Variants in ATP8A2 observed in about 807,000 individuals in gnomAD.
ATP8A2 encodes ATPase phospholipid transporting 8A2.
A neutral mutation model predicts 165.6 loss-of-function variants in ATP8A2; 100 were observed. The observed-to-expected ratio is 0.60, with a 90% CI of 0.51 to 0.71. The LOEUF (loss-of-function observed/expected upper bound fraction) is 0.71. Ranked by LOEUF, ATP8A2 falls within the 30% of genes least tolerant of loss-of-function variation. ATP8A2 has a pLI of 0.00. For missense variants in ATP8A2, 1,227 were observed against 1,479.5 expected (o/e 0.83, Z 2.80); for synonymous variants, 543 against 548.8 (o/e 0.99, Z 0.15).
At chr13:25,436,960 A>G (rs993246573) in intron 1 of ATP8A2, among the ~76,000 whole-genome samples, 5 of 151,932 alleles carry the variant, frequency 3.3e-5, no homozygotes, top group African/African-American at 9.7e-5. Flanking sequence ...TATTTTTTGT[A>G]GAGATGAGGT....
rs1220788492 is a variant in ATP8A2 at position 25,953,813 on chromosome 13, A to G, written c.3184-7762A>G. ...GGGACTGTGCTGTAAGGAACCATGC[A>G]TTCCGTCCCAGATACTATGCTTTTC... On this transcript the variant is annotated intron_variant, in intron 33 of 36. Transcript: ENST00000381655. The surrounding 1 kb of genome is among the most constrained non-coding windows in gnomAD (Gnocchi z 6.7). 6.6e-6 allele frequency among the ~76,000 whole-genome samples: 1 copy of G among 152,166 alleles called. No homozygotes were observed. Among genetic ancestry groups the G allele is most frequent in the Non-Finnish European group, 1.5e-5 (1 of 68,030 alleles).
intron 33 of ATP8A2, among the ~76,000 whole-genome samples, chr13:25,895,566 T>G (rs1212970765): frequency 2.6e-5 from 4 of 151,996 alleles, no homozygotes; most frequent in African/African-American, 9.7e-5. Context: ...TTAGGGAGGA[T>G]TCCCTCTTTT....
chr13:25,868,894 C>A (rs1438234224), intron 33 of ATP8A2, among the ~76,000 whole-genome samples: 4 of 151,722 alleles, frequency 2.6e-5, no homozygotes, highest in African/African-American at 9.7e-5. Flanking sequence ...ACAGTGAAAC[C>A]CCGTCTCTAC....
rs757612313 is a variant in ATP8A2, at chr13:25,555,071, G to A, written c.1263+3G>A. 1 of 1,609,094 alleles carries A rather than the reference G, an allele frequency of 6.2e-7. No individual in the cohort carries two copies. Among genetic ancestry groups the A allele is most frequent in the Non-Finnish European group, 8.5e-7 (1 of 1,175,678 alleles). On this transcript the variant is annotated splice_donor_region_variant and intron_variant, in intron 13 of 36. Transcript: ENST00000381655. Reference sequence around the variant, plus strand: ...ACCTTAATGAAGAGCTTGGGCAGGTGAAAAAGCCTCTGGGAACTTTGGGAA... The same window carrying A: ...ACCTTAATGAAGAGCTTGGGCAGGTAAAAAAGCCTCTGGGAACTTTGGGAA...
intron 33 of ATP8A2, among the ~76,000 whole-genome samples, chr13:25,876,744 G>A (rs116915969): frequency 0.013 from 1,927 of 152,220 alleles, 19 homozygotes; most frequent in Non-Finnish European, 0.021. Flanking sequence ...ATGCTAAATC[G>A]TTTAAAATGA....
At chr13:25,843,459 A>G (rs1457287057) in intron 30 of ATP8A2, among the ~76,000 whole-genome samples, 1 of 152,086 alleles carries the variant, frequency 6.6e-6, no homozygotes, top group East Asian at 1.9e-4. Flanking sequence ...CTGGGAGGTG[A>G]TTAGGTCGTG....
chr13:25,400,063 C>T (rs2033586418), intron 1 of ATP8A2, among the ~76,000 whole-genome samples: 1 of 152,160 alleles, frequency 6.6e-6, no homozygotes, highest in African/African-American at 2.4e-5. Flanking sequence ...GCTGGGTCTA[C>T]AGGCACACAC....
chr13:25,953,735 C>G lies in ATP8A2; in HGVS notation c.3184-7840C>G, dbSNP rs1050839690. On this transcript the variant is annotated intron_variant, in intron 33 of 36. Coordinates refer to ENST00000381655, the MANE Select transcript of ATP8A2 (RefSeq NM_016529.6). The surrounding 1 kb of genome is among the most constrained non-coding windows in gnomAD (Gnocchi z 6.7). Reference sequence around the variant, plus strand: ...AAGCAGGGTGGGGCGTTGCCTCACCCGGGAAGCACAGGGGATTGAGGAACT... The same window carrying G: ...AAGCAGGGTGGGGCGTTGCCTCACCGGGGAAGCACAGGGGATTGAGGAACT... 6.6e-6 allele frequency among the ~76,000 whole-genome samples: 1 copy of G among 152,024 alleles called. No homozygotes were observed. Among genetic ancestry groups the G allele is most frequent in the South Asian group, 2.1e-4 (1 of 4,796 alleles).
intron 1 of ATP8A2, among the ~76,000 whole-genome samples, chr13:25,392,035 T>C (rs186363203): frequency 5.6e-4 from 86 of 152,342 alleles, no homozygotes; most frequent in Non-Finnish European, 9.7e-4. Flanking sequence ...GCTTGTTTAG[T>C]GCTGAGCTGG....
chr13:25,971,997 C>T (rs566977218), intron 35 of ATP8A2, among the ~76,000 whole-genome samples: 1 of 152,238 alleles, frequency 6.6e-6, no homozygotes, highest in African/African-American at 2.4e-5. Context: ...CCTTAAAGGA[C>T]ATTCTGCCAG....
At chr13:25,928,824 G>A (rs1344778289) in intron 33 of ATP8A2, among the ~76,000 whole-genome samples, 1 of 152,124 alleles carries the variant, frequency 6.6e-6, no homozygotes, top group Non-Finnish European at 1.5e-5. Flanking sequence ...CACAGTACAA[G>A]GTGAGCCTCC....
intron 34 of ATP8A2, among the ~76,000 whole-genome samples, chr13:25,965,027 C>T (rs1275647756): frequency 1.3e-5 from 2 of 152,056 alleles, no homozygotes; most frequent in South Asian, 4.1e-4. Flanking sequence ...GGCATGATGG[C>T]GAGTGCCTGT....
intron 33 of ATP8A2, among the ~76,000 whole-genome samples, chr13:25,908,845 A>G (rs1267396725): frequency 6.6e-6 from 1 of 152,156 alleles, no homozygotes; most frequent in Non-Finnish European, 1.5e-5. Flanking sequence ...TGTGGTGGGG[A>G]CAGTCGATCT....
intron 33 of ATP8A2, among the ~76,000 whole-genome samples, chr13:25,886,874 T>A (rs1466551156): frequency 6.6e-6 from 1 of 152,210 alleles, no homozygotes; most frequent in Non-Finnish European, 1.5e-5. Flanking sequence ...ATGGTATTGC[T>A]GGTTGCTCAT....
intron 2 of ATP8A2, among the ~76,000 whole-genome samples, chr13:25,479,436 A>G (rs952514367): frequency 7.2e-5 from 11 of 152,104 alleles, no homozygotes; most frequent in African/African-American, 2.4e-4. Flanking sequence ...TTTTCTTGTA[A>G]TTGCATTATT....
At chr13:25,482,094 G>C (rs906937645) in intron 2 of ATP8A2, among the ~76,000 whole-genome samples, 2 of 152,122 alleles carry the variant, frequency 1.3e-5, no homozygotes, top group African/African-American at 2.4e-5. Context: ...TTTAATAAAT[G>C]TTCCTGAAGC....
At chr13:25,810,855 G>A (rs1021652763) in intron 27 of ATP8A2, among the ~76,000 whole-genome samples, 1 of 152,102 alleles carries the variant, frequency 6.6e-6, no homozygotes, top group Non-Finnish European at 1.5e-5. Flanking sequence ...ATGGTTATTG[G>A]TGTGATTATG....
chr13:25,591,458 T>C, intron 24 of ATP8A2: 1 of 430,808 alleles, frequency 2.3e-6, no homozygotes, highest in Non-Finnish European at 4.7e-6. Context: ...TCTTCAAGGT[T>C]CATCCATATC....
chr13:25,388,684 C>T (rs995114605), intron 1 of ATP8A2, among the ~76,000 whole-genome samples: 8 of 152,160 alleles, frequency 5.3e-5, no homozygotes, highest in African/African-American at 1.9e-4. Flanking sequence ...GGGCTGTCTG[C>T]TTGTGGATTT....
Sources: gnomAD v4.1 joint callset for allele counts (sites outside exome capture counted in the v4.1 genomes callset) on GRCh38, gnomAD v4.1.1 for gene constraint, Gnocchi (gnomAD v3.1) non-coding constraint, MANE v1.5 for transcripts, NCBI Gene and HGNC (gene_info 2026-07-23, HGNC 2026-07-21) for gene names.